Variants in FAM86B1 observed in about 807,000 individuals in gnomAD.
FAM86B1 encodes the protein putative protein N-methyltransferase FAM86B1.
For missense variants in FAM86B1, 13 were observed against 328.1 expected (o/e 0.04, Z 7.42); for synonymous variants, 4 against 137.6 (o/e 0.03, Z 6.79).
Position 12,185,419 on chromosome 8 carries a change from G to A in FAM86B1, c.747C>T (p.Thr249=), listed in dbSNP as rs201105001. The A allele has an allele frequency of 2.7e-4, 424 of 1,587,836 alleles. 14 individuals are homozygous for A. The highest frequency in any genetic ancestry group is 3.6e-4 in the South Asian group (32 of 87,956). The stretch of plus-strand genomic sequence containing the variant: ...GCTGGCACGTCTCTGGGTTGCGGAC[G>A]GTAAAGGCCACGTAGACCTCAGGAG... The part of the protein sequence containing the change: ...KRAPEVYVAF[T]VRNPETCQLF... Residue 249 remains threonine (T), a synonymous_variant, in exon 6 of 7, where the codon ACC becomes ACT. Coordinates refer to ENST00000448228, the MANE Select transcript of FAM86B1 (RefSeq NM_001083537.4).
At position 12,192,907 on chromosome 8, in the gene FAM86B1, T is replaced by G. The variant is rs564900230; in HGVS notation, c.97-1066A>C. Among the ~76,000 whole-genome samples the G allele has an allele frequency of 2.8e-4, 42 of 149,248 alleles. 3 individuals carry two copies. Among genetic ancestry groups the G allele is most frequent in the African/African-American group, 1.1e-3 (42 of 39,074 alleles). The stretch of plus-strand genomic sequence containing the variant: ...GGTATCATTATATCCCCCATTTTAT[T>G]AATAAGAAAACAATAGCACAGAGAG... On this transcript the variant is annotated intron_variant, in intron 1 of 6. Coordinates refer to ENST00000448228, the MANE Select transcript of FAM86B1 (RefSeq NM_001083537.4).
At chr8:12,190,460 G>A (rs1359394604) in intron 2 of FAM86B1, among the ~76,000 whole-genome samples, 1 of 109,082 alleles carries the variant, frequency 9.2e-6, no homozygotes, top group Non-Finnish European at 1.8e-5. Flanking sequence ...GGGACGGCGG[G>A]AAAACAGGAG....
Position 12,182,522 on chromosome 8 carries a change from A to C in FAM86B1, c.*1084T>G, listed in dbSNP as rs1294126026. 6.7e-7 allele frequency: 1 copy of C among 1,495,930 alleles called. No individual in the cohort carries two copies. The highest frequency in any genetic ancestry group is 1.8e-5 in the Admixed American group (1 of 55,706). 92.7% of individuals were successfully genotyped at this position (1,495,930 alleles called of 1,614,324 possible). A position where few individuals can be genotyped will look rare whatever the true frequency, so the allele number is the denominator to read the frequency against. On this transcript the variant is annotated 3_prime_UTR_variant, in exon 7 of 7. Transcript: ENST00000448228. ...TTGGGTCGGGGACCTGGGGTCATCC[A>C]AGTGGTGACCTGGGATGGGGTGGGG... is the stretch of plus-strand genomic sequence containing the variant.
chr8:12,193,145 A>G (rs1255454323), intron 1 of FAM86B1, among the ~76,000 whole-genome samples: 1 of 143,908 alleles, frequency 6.9e-6, no homozygotes, highest in Admixed American at 6.7e-5. Context: ...AATTATAGTC[A>G]ATATTGAATG....
Position 12,182,444 on chromosome 8 carries a change from G to T in FAM86B1, c.*1162C>A. On this transcript the variant is annotated 3_prime_UTR_variant, in exon 7 of 7. Coordinates refer to ENST00000448228, the MANE Select transcript of FAM86B1 (RefSeq NM_001083537.4). ...GTCTCAAGTCCAAGTGAGGGGGGTT[G>T]TGAAGGGTCTCAAGTCCAAGTGAGG... 8.5e-7 allele frequency: 1 copy of T among 1,172,412 alleles called. No individual in the cohort carries two copies. The highest frequency in any genetic ancestry group is 2.2e-5 in the Admixed American group (1 of 46,072). The allele number at this position is 1,172,412 out of a possible 1,614,324, so 72.6% of individuals were successfully genotyped here. A position where few individuals can be genotyped will look rare whatever the true frequency, so the allele number is the denominator to read the frequency against.
intron 2 of FAM86B1, among the ~76,000 whole-genome samples, chr8:12,191,337 C>G (rs1806838300): frequency 9.2e-6 from 1 of 109,288 alleles, no homozygotes; most frequent in Non-Finnish European, 1.8e-5. Context: ...TCCTGGCTCT[C>G]ACTTGCATGC....
chr8:12,192,798 G>T (rs1807129148), intron 1 of FAM86B1, among the ~76,000 whole-genome samples: 1 of 150,164 alleles, frequency 6.7e-6, no homozygotes, highest in African/African-American at 2.5e-5. Flanking sequence ...GAAAACACTA[G>T]CTAACACCGA....
chr8:12,191,700 A>G, intron 2 of FAM86B1, 79 bp downstream of exon 2: 2 of 952,938 alleles, frequency 2.1e-6, no homozygotes, highest in Non-Finnish European at 3.0e-6. Context: ...GTACAAGCAC[A>G]CCTGTGCTGC....
chr8:12,189,254 AT>A (rs1469997358), intron 3 of FAM86B1, among the ~76,000 whole-genome samples: 20 of 117,888 alleles, frequency 1.7e-4, no homozygotes, highest in South Asian at 5.4e-4. Context: ...CTCAAAAAAA[AT>A]ATATAAATAA....
rs1342060650 is a variant in FAM86B1 at position 12,182,400 on chromosome 8, C to G, written c.*1206G>C. On this transcript the variant is annotated 3_prime_UTR_variant, in exon 7 of 7. Coordinates refer to ENST00000448228, the MANE Select transcript of FAM86B1 (RefSeq NM_001083537.4). ...GCATGATGTCAAGTTGGAAGTGGAG[C>G]GCTGCTGGGTTGTGAAGGGTCTCAA... is the stretch of plus-strand genomic sequence containing the variant. 3.0e-6 allele frequency: 2 copies of G among 658,130 alleles called. No homozygotes were observed. The highest frequency in any genetic ancestry group is 1.9e-5 in the African/African-American group (1 of 51,878). The allele number at this position is 658,130 out of a possible 1,614,324, so 40.8% of individuals were successfully genotyped here.
intron 6 of FAM86B1, among the ~76,000 whole-genome samples, chr8:12,184,041 A>T (rs1307878022): frequency 2.5e-3 from 151 of 59,906 alleles, no homozygotes; most frequent in Admixed American, 3.8e-3. Context: ...AAAGCTTAGA[A>T]AGTGGCCGGG....
chr8:12,190,863 AG>A (rs1400482877), intron 2 of FAM86B1, among the ~76,000 whole-genome samples: 3 of 97,778 alleles, frequency 3.1e-5, no homozygotes, highest in Non-Finnish European at 5.7e-5. Context: ...CTGGGATTAC[AG>A]GTGTGAGCCA....
At chr8:12,184,118 G>A (rs1254537949) in intron 6 of FAM86B1, among the ~76,000 whole-genome samples, 2 of 57,962 alleles carry the variant, frequency 3.5e-5, no homozygotes, top group African/African-American at 2.5e-4. Flanking sequence ...TGTGCTGCTT[G>A]GCACTGTTTT....
upstream of FAM86B1, chr8:12,194,886 T>A (rs1807561651): frequency 6.7e-6 from 1 of 149,130 alleles, no homozygotes; most frequent in Non-Finnish European, 1.4e-5. Context: ...TGGCTCAAGT[T>A]CGGGAGGCGT....
Position 12,182,506 on chromosome 8 carries a change from G to T in FAM86B1, c.*1100C>A. ...TTGGGAGGGGTTGTTGTTGGGTCGG[G>T]GACCTGGGGTCATCCAAGTGGTGAC... On this transcript the variant is annotated 3_prime_UTR_variant, in exon 7 of 7. Transcript: ENST00000448228. 2.8e-6 allele frequency: 4 copies of T among 1,444,564 alleles called. No homozygotes were observed. Among genetic ancestry groups the T allele is most frequent in the South Asian group, 2.4e-5 (2 of 84,618 alleles). 89.5% of individuals were successfully genotyped at this position (1,444,564 alleles called of 1,614,324 possible). A position where few individuals can be genotyped will look rare whatever the true frequency, so the allele number is the denominator to read the frequency against.
At chr8:12,194,226 G>C, upstream of FAM86B1, 1 of 815,870 alleles carries the variant, frequency 1.2e-6, no homozygotes. Flanking sequence ...CTCTAGGGCG[G>C]GGCCAAGATG....
At chr8:12,187,116 C>T (rs1328656777) in intron 3 of FAM86B1, among the ~76,000 whole-genome samples, 36 of 14,250 alleles carry the variant, frequency 2.5e-3, no homozygotes, top group African/African-American at 5.0e-3. Flanking sequence ...TGGCCAGGGG[C>T]CAGGTGTGGC....
At chr8:12,189,257 TATAAATAAATAAATAAATAAATAAATAA>T (rs777926231) in intron 3 of FAM86B1, among the ~76,000 whole-genome samples, 12 of 82,528 alleles carry the variant, frequency 1.5e-4, no homozygotes, top group African/African-American at 6.9e-4. Flanking sequence ...AAAAAAAATA[TATAAATAAATAAATAAATAAATAAATAA>T]ATAAATAAAT....
At chr8:12,193,164 T>C (rs1177695206) in intron 1 of FAM86B1, among the ~76,000 whole-genome samples, 2 of 144,348 alleles carry the variant, frequency 1.4e-5, no homozygotes, top group East Asian at 1.9e-4. Flanking sequence ...TGGAGACCTA[T>C]GATGCTTTTA....
Sources: gnomAD v4.1 joint callset for allele counts (sites outside exome capture counted in the v4.1 genomes callset) on GRCh38, gnomAD v4.1.1 for gene constraint, MANE v1.5 for transcripts, NCBI Gene and HGNC (gene_info 2026-07-23, HGNC 2026-07-21) for gene names.